Variants in TMCC1 observed in about 807,000 individuals in gnomAD.
The protein encoded by TMCC1 is transmembrane and coiled-coil domains protein 1.
In TMCC1, 15 loss-of-function variants were observed where a neutral mutation model predicts 52.4. The observed-to-expected ratio is 0.29, with a 90% CI of 0.19 to 0.44. TMCC1 has a LOEUF of 0.44. Among genes scored for constraint, TMCC1 ranks in the 20% least tolerant of loss-of-function variants. The pLI is 1.00. For missense variants in TMCC1, 503 were observed against 806.0 expected, an observed-to-expected ratio of 0.62 and a Z score of 4.55; for synonymous variants, 279 against 301.9, an observed-to-expected ratio of 0.92 and a Z score of 0.79.
chr3:129,827,883 A>G lies in TMCC1; in HGVS notation c.496T>C (p.Ser166Pro), dbSNP rs761077962. 2.5e-6 allele frequency: 4 copies of G among 1,614,004 alleles called. No individual in the cohort carries two copies. In the African/African-American group the frequency reaches 5.3e-5, roughly 22 times the overall value. ...SSSTTDAPTS[S>P]AMMEIACAAA... ...GCACAAGCTATTTCCATCATAGCAG[A>G]GCTGGTAGGTGCATCAGTTGTGGAT... Residue 166 changes from serine to proline, a missense_variant, in exon 4 of 7, where the codon TCT becomes CCT. By Grantham distance (74) the Ser-to-Pro change is moderately conservative. Transcript: ENST00000393238.
chr3:129,727,045 T>C (rs776959568), intron 4 of TMCC1, among the ~76,000 whole-genome samples: 5 of 151,884 alleles, frequency 3.3e-5, no homozygotes, highest in Non-Finnish European at 4.4e-5. Context: ...TAAACCATGG[T>C]GTACCCTCCT....
At chr3:129,654,111 G>C (rs2086525661) in intron 6 of TMCC1, among the ~76,000 whole-genome samples, 2 of 152,230 alleles carry the variant, frequency 1.3e-5, no homozygotes, top group South Asian at 4.1e-4. Context: ...AGTATTCAAG[G>C]GATAGAACCT....
intron 4 of TMCC1, among the ~76,000 whole-genome samples, chr3:129,803,108 G>A (rs886639893): frequency 3.3e-5 from 5 of 152,174 alleles, no homozygotes; most frequent in Non-Finnish European, 5.9e-5. Flanking sequence ...ATTCATTCAC[G>A]AGGGCAGAGC....
intron 4 of TMCC1, among the ~76,000 whole-genome samples, chr3:129,748,798 T>C (rs1332853688): frequency 6.6e-6 from 1 of 151,522 alleles, no homozygotes; most frequent in African/African-American, 2.4e-5. Flanking sequence ...AGCCCGGGAG[T>C]TGAAGACCAG....
intron 4 of TMCC1, among the ~76,000 whole-genome samples, chr3:129,779,184 A>C (rs2055310129): frequency 6.6e-6 from 1 of 152,182 alleles, no homozygotes; most frequent in African/African-American, 2.4e-5. Context: ...AATTGGTAGC[A>C]GAAATTAAAC....
intron 2 of TMCC1, among the ~76,000 whole-genome samples, chr3:129,853,995 G>C (rs898990172): frequency 6.6e-6 from 1 of 152,046 alleles, no homozygotes; most frequent in Admixed American, 6.6e-5. Flanking sequence ...CTGTCTAAAT[G>C]AGCCACCATT....
intron 4 of TMCC1, among the ~76,000 whole-genome samples, chr3:129,744,480 C>A (rs893952213): frequency 6.6e-6 from 1 of 151,956 alleles, no homozygotes; most frequent in Non-Finnish European, 1.5e-5. Context: ...GAGATGAGGT[C>A]TTGCTATGTT....
At chr3:129,837,512 CA>C (rs2059215501) in intron 2 of TMCC1, among the ~76,000 whole-genome samples, 1 of 152,168 alleles carries the variant, frequency 6.6e-6, no homozygotes, top group African/African-American at 2.4e-5. Flanking sequence ...CAGATTAACA[CA>C]AATCTCCACC....
chr3:129,791,623 C>T (rs1470004839), intron 4 of TMCC1, among the ~76,000 whole-genome samples: 1 of 152,056 alleles, frequency 6.6e-6, no homozygotes, highest in East Asian at 1.9e-4. Flanking sequence ...ACGCAGGAGA[C>T]ATGGGGCAGG....
In TMCC1 at chr3:129,703,174, C is replaced by A. The variant is rs533262640; in HGVS notation, c.577-31910G>T. On this transcript the variant is annotated intron_variant, in intron 4 of 6. Transcript: ENST00000393238. Reference sequence around the variant, plus strand: ...TGTTACTTAATTTTCCACTAAATTGCATAGAGCTTGTGGTTCCAAAAATTG... The same window carrying A: ...TGTTACTTAATTTTCCACTAAATTGAATAGAGCTTGTGGTTCCAAAAATTG... Among the ~76,000 whole-genome samples, 25 of 152,246 alleles carry A rather than the reference C, an allele frequency of 1.6e-4. No individual in the cohort carries two copies. The East Asian group carries it at 4.8e-3, about 29-fold the overall frequency.
chr3:129,863,473 CCTGAGATTCTA>C (rs1380696529), intron 2 of TMCC1, among the ~76,000 whole-genome samples: 1 of 152,030 alleles, frequency 6.6e-6, no homozygotes, highest in East Asian at 1.9e-4. Flanking sequence ...GAGATTGAAT[CCTGAGATTCTA>C]CTGAGAAGGT....
intron 4 of TMCC1, among the ~76,000 whole-genome samples, chr3:129,797,882 C>T (rs1258012827): frequency 6.6e-6 from 1 of 152,128 alleles, no homozygotes; most frequent in Non-Finnish European, 1.5e-5. Flanking sequence ...AGTAAAGACT[C>T]CTTCATACCA....
intron 2 of TMCC1, among the ~76,000 whole-genome samples, chr3:129,843,336 G>C (rs1452436643): frequency 6.6e-6 from 1 of 151,262 alleles, no homozygotes; most frequent in East Asian, 1.9e-4. Flanking sequence ...GACACAGCAA[G>C]ACACCGTCTC....
At chr3:129,848,484 A>G (rs929397111) in intron 2 of TMCC1, 1 of 152,192 alleles carries the variant, frequency 6.6e-6, no homozygotes, top group African/African-American at 2.4e-5. Context: ...CTTCTCCTAT[A>G]ATAAGTCCCC....
intron 5 of TMCC1, among the ~76,000 whole-genome samples, chr3:129,657,541 C>A (rs2062262): frequency 0.63 from 95,780 of 152,116 alleles, 35,463 homozygotes; most frequent in Non-Finnish European, 0.83. Context: ...TTAAACTTTA[C>A]AATGTGATGC....
chr3:129,688,158 CACA>C, intron 4 of TMCC1: 2 of 985,312 alleles, frequency 2.0e-6, no homozygotes, highest in Non-Finnish European at 2.4e-6. Flanking sequence ...AGAAAAAAAT[CACA>C]ACACATTTAT....
In TMCC1 at chr3:129,874,726, G is replaced by C. The variant is rs547280162; in HGVS notation, c.-184+5583C>G. Among the ~76,000 whole-genome samples the C allele has an allele frequency of 5.9e-5, 9 of 151,696 alleles. No individual in the cohort carries two copies. The South Asian group carries it at 1.7e-3, about 28-fold the overall frequency. On this transcript the variant is annotated intron_variant, in intron 2 of 6. Coordinates refer to ENST00000393238, the MANE Select transcript of TMCC1 (RefSeq NM_001017395.5). ...ACAAAAATTAGCTGGGTATGGTGGC[G>C]CACACCTGTAGTCCTAGCTACTTGG...
chr3:129,716,329 A>ATTTTTT (rs71155569), intron 4 of TMCC1, among the ~76,000 whole-genome samples: 5 of 73,638 alleles, frequency 6.8e-5, no homozygotes, highest in East Asian at 3.5e-4. Flanking sequence ...CACCTGGCAA[A>ATTTTTT]TTTTTTTTTT....
At chr3:129,768,554 A>G (rs2054306374) in intron 4 of TMCC1, among the ~76,000 whole-genome samples, 1 of 152,136 alleles carries the variant, frequency 6.6e-6, no homozygotes, top group Non-Finnish European at 1.5e-5. Flanking sequence ...AGAAACTTAA[A>G]CCATCCATTC....
Sources: allele counts gnomAD v4.1 joint callset (sites outside exome capture counted in the v4.1 genomes callset), GRCh38; gene constraint gnomAD v4.1.1; transcripts MANE v1.5; gene names NCBI Gene and HGNC (gene_info 2026-07-23, HGNC 2026-07-21).